Variants in KIF21A observed in about 807,000 individuals in gnomAD.
KIF21A encodes the protein kinesin-like protein KIF21A.
Under a neutral mutation model 202.9 loss-of-function variants are expected in KIF21A, and 114 were observed. That is an observed-to-expected ratio of 0.56 (90% CI 0.48 to 0.66). The LOEUF is 0.66. KIF21A is among the 30% of genes least tolerant of loss of function. The pLI, the probability that KIF21A is intolerant of heterozygous loss-of-function variation, is 0.00. For synonymous variants in KIF21A, 667 were observed against 670.8 expected, an observed-to-expected ratio of 0.99 and a Z score of 0.09; for missense variants, 1,677 against 1,994.9, an observed-to-expected ratio of 0.84 and a Z score of 3.04.
chr12:39,331,846 CAACA>C, intron 21 of KIF21A, 55 bp from the exon 22 acceptor site: 8 of 1,277,854 alleles, frequency 6.3e-6, no homozygotes, highest in Non-Finnish European at 8.0e-6. Flanking sequence ...AAACAGAAGG[CAACA>C]GCCTATTGTT....
Position 39,294,223 on chromosome 12 carries a change from T to C in KIF21A, c.*201A>G. The C allele has an allele frequency of 1.9e-6, 1 of 533,520 alleles. No individual in the cohort carries two copies. The highest frequency in any genetic ancestry group is 3.4e-6 in the Non-Finnish European group (1 of 294,444). 33.0% of individuals were successfully genotyped at this position (533,520 alleles called of 1,614,324 possible). On this transcript the variant is annotated 3_prime_UTR_variant, in exon 38 of 38. Transcript: ENST00000361418. Reference sequence around the variant, plus strand: ...ATATATCAATTGTAGGATATATATCTATTGGTTGATCTTAAAACTAAGCAC... The same window carrying C: ...ATATATCAATTGTAGGATATATATCCATTGGTTGATCTTAAAACTAAGCAC...
intron 24 of KIF21A, chr12:39,329,935 T>C: frequency 3.6e-6 from 1 of 276,594 alleles, no homozygotes; most frequent in Non-Finnish European, 6.9e-6. Context: ...ATAAATATTA[T>C]GTTTTTCTAT....
chr12:39,384,070 G>A (rs1427322878), intron 1 of KIF21A, among the ~76,000 whole-genome samples: 1 of 152,074 alleles, frequency 6.6e-6, no homozygotes, highest in Admixed American at 6.5e-5. Context: ...AGTAAGAACA[G>A]GGAAGAAAAG....
At chr12:39,367,505 G>T (rs1426243455) in intron 4 of KIF21A, among the ~76,000 whole-genome samples, 2 of 152,028 alleles carry the variant, frequency 1.3e-5, no homozygotes, top group African/African-American at 4.8e-5. Context: ...ATTATTTTTT[G>T]TAATTTTTCT....
In KIF21A at chr12:39,396,920, A is replaced by C. The variant is rs75823764; in HGVS notation, c.45-26659T>G. On this transcript the variant is annotated intron_variant, in intron 1 of 37. Transcript: ENST00000361418. ...ACATGCCACAACGTGAATAAACCCC[A>C]AAAACATAATGCTAAGTGAAATACA... Among the ~76,000 whole-genome samples the C allele has an allele frequency of 3.6e-4, 55 of 152,358 alleles. 1 individual carries two copies. The East Asian group carries it at 0.011, about 29-fold the overall frequency.
At position 39,370,190 on chromosome 12, in the gene KIF21A, G is replaced by A. The variant is rs752560589; in HGVS notation, c.116C>T (p.Pro39Leu). The change falls in exon 2 of 38, where the codon CCT (proline) becomes CTT (leucine). Residue 39 changes from proline to leucine, a missense_variant. By Grantham distance (98) the Pro-to-Leu change is moderately conservative. Around this residue, in one of 3 missense-constraint regions of KIF21A, gnomAD observed 966 missense variants for 1,180.9 expected, o/e 0.82. Transcript: ENST00000361418. ...HICTSVTPGE[P>L]QVFLGKDKAF... ...CTTATCTTTCCCTAGGAAGACCTGA[G>A]GCTCTCCTGGTGTGACAGATGTACA... The A allele has an allele frequency of 1.2e-4, 195 of 1,613,534 alleles. No homozygotes were observed. The highest frequency in any genetic ancestry group is 1.6e-4 in the Non-Finnish European group (190 of 1,179,744).
intron 1 of KIF21A, among the ~76,000 whole-genome samples, chr12:39,436,856 A>G (rs887056998): frequency 2.0e-4 from 31 of 152,130 alleles, no homozygotes; most frequent in Non-Finnish European, 2.9e-5. Context: ...TCCCCTTTCC[A>G]AAGAGAAGCA....
intron 19 of KIF21A, 52 bp downstream of exon 19, chr12:39,332,841 T>A: frequency 1.2e-6 from 2 of 1,605,602 alleles, no homozygotes; most frequent in South Asian, 2.2e-5. Flanking sequence ...AGTACAACAT[T>A]CAGTATTAAC....
At chr12:39,324,433 C>T (rs1053704423) in intron 26 of KIF21A, among the ~76,000 whole-genome samples, 1 of 152,184 alleles carries the variant, frequency 6.6e-6, no homozygotes, top group Non-Finnish European at 1.5e-5. Context: ...TTGCTTAGGA[C>T]TAGATCCGAA....
At chr12:39,371,264 T>C (rs1432721479) in intron 1 of KIF21A, among the ~76,000 whole-genome samples, 1 of 152,112 alleles carries the variant, frequency 6.6e-6, no homozygotes. Flanking sequence ...AAGAAATAAA[T>C]TAAAAATGAA....
intron 7 of KIF21A, among the ~76,000 whole-genome samples, chr12:39,361,522 CTTTT>C (rs541860250): frequency 7.6e-6 from 1 of 131,718 alleles, no homozygotes; most frequent in Non-Finnish European, 1.6e-5. Context: ...AACTTTCTTT[CTTTT>C]TTTTTTTTTT....
At chr12:39,431,995 C>A (rs1937985352) in intron 1 of KIF21A, among the ~76,000 whole-genome samples, 1 of 152,228 alleles carries the variant, frequency 6.6e-6, no homozygotes, top group African/African-American at 2.4e-5. Flanking sequence ...AATCTGCAAT[C>A]TCATGTTTAA....
rs760221759 is a variant in KIF21A, at chr12:39,358,391, T to C, written c.1020-18A>G. 2.7e-5 allele frequency: 44 copies of C among 1,606,804 alleles called. 1 individual carries two copies. In the South Asian group the frequency reaches 4.8e-4, roughly 18 times the overall value. ...TTGTTTGGCTGAAAGTTACAAATAATAGTTAGGCTTACACATAAAAGCACC... is the reference window on the plus strand; with the variant it reads ...TTGTTTGGCTGAAAGTTACAAATAACAGTTAGGCTTACACATAAAAGCACC... On this transcript the variant is annotated intron_variant, in intron 7 of 37. Coordinates refer to ENST00000361418, the MANE Select transcript of KIF21A (RefSeq NM_001173464.2).
At chr12:39,405,365 G>A (rs1350771523) in intron 1 of KIF21A, among the ~76,000 whole-genome samples, 1 of 151,698 alleles carries the variant, frequency 6.6e-6, no homozygotes, top group Non-Finnish European at 1.5e-5. Flanking sequence ...AAACAAAAGA[G>A]AGAATTTATT....
rs766103846 is a variant in KIF21A at position 39,307,688 on chromosome 12, C to G, written c.4319G>C (p.Ser1440Thr). 1 of 1,614,078 alleles carries G rather than the reference C, an allele frequency of 6.2e-7. No homozygotes were observed. The highest frequency in any genetic ancestry group is 8.5e-7 in the Non-Finnish European group (1 of 1,179,970). The change falls in exon 34 of 38, where the codon AGT becomes ACT. Residue 1440 changes from serine (S) to threonine (T), a missense_variant. Physicochemically the swap from Ser to Thr is moderately conservative, Grantham distance 58. Coordinates refer to ENST00000361418, the MANE Select transcript of KIF21A (RefSeq NM_001173464.2). The part of the protein sequence containing the change: ...QVTLGDACSA[S>T]TSRTVAIPSG... ...AGGAATAGCTACTGTTCGACTGGTA[C>G]TTGCAGAACAAGCATCTCCAAGAGT...
At chr12:39,308,265 G>A (rs1943668927) in intron 33 of KIF21A, among the ~76,000 whole-genome samples, 2 of 151,876 alleles carry the variant, frequency 1.3e-5, no homozygotes, top group African/African-American at 4.8e-5. Context: ...GTGCGTGCCT[G>A]TAATCCCAGC....
At chr12:39,417,732 G>A (rs1953890536) in intron 1 of KIF21A, among the ~76,000 whole-genome samples, 1 of 151,980 alleles carries the variant, frequency 6.6e-6, no homozygotes, top group African/African-American at 2.4e-5. Context: ...GTCAGGTATT[G>A]AATAATTTAA....
chr12:39,400,780 G>A (rs1427532178), intron 1 of KIF21A, among the ~76,000 whole-genome samples: 1 of 152,100 alleles, frequency 6.6e-6, no homozygotes, highest in Non-Finnish European at 1.5e-5. Flanking sequence ...TCTAGAACGT[G>A]ACTATCTTAT....
At chr12:39,344,794 T>C (rs1420471384) in intron 12 of KIF21A, among the ~76,000 whole-genome samples, 2 of 152,200 alleles carry the variant, frequency 1.3e-5, no homozygotes, top group Non-Finnish European at 2.9e-5. Context: ...CAAATTGATA[T>C]CTAAAATAAG....
Sources: allele counts gnomAD v4.1 joint callset (sites outside exome capture counted in the v4.1 genomes callset), GRCh38; gene constraint gnomAD v4.1.1; regional missense constraint gnomAD v4.1.1; transcripts MANE v1.5; gene names NCBI Gene and HGNC (gene_info 2026-07-23, HGNC 2026-07-21).